The following CADM2 variants were observed in gnomAD, a reference collection of about 807,000 sequenced individuals.
CADM2 encodes the protein immunoglobulin superfamily member 4D.
CADM2 carries 12 observed loss-of-function variants against 49.8 expected under a neutral mutation model. That is an observed-to-expected ratio of 0.24 (90% CI 0.15 to 0.39). The LOEUF is 0.39. Ranked by LOEUF, CADM2 falls within the 10% of genes least tolerant of loss-of-function variation. CADM2 has a pLI of 1.00. For missense variants in CADM2, 378 were observed against 492.3 expected (o/e 0.77, Z 2.20); for synonymous variants, 214 against 175.4 (o/e 1.22, Z -1.74).
intron 1 of CADM2, among the ~76,000 whole-genome samples, chr3:85,292,870 A>G (rs1272925395): frequency 1.3e-5 from 2 of 152,156 alleles, no homozygotes; most frequent in African/African-American, 4.8e-5. Context: ...TAACATCACA[A>G]TTAAAAGAAC....
chr3:85,020,880 T>G (rs2107290719), intron 1 of CADM2, among the ~76,000 whole-genome samples: 1 of 151,892 alleles, frequency 6.6e-6, no homozygotes, highest in Non-Finnish European at 1.5e-5. Flanking sequence ...CAGGAAAAAT[T>G]TTACAACTAC....
intron 1 of CADM2, among the ~76,000 whole-genome samples, chr3:85,091,104 T>C (rs1308706573): frequency 6.6e-6 from 1 of 152,190 alleles, no homozygotes; most frequent in East Asian, 1.9e-4. Context: ...TGGCTATTCT[T>C]ACACATATTA....
chr3:84,960,014 A>C, intron 1 of CADM2: 2 of 383,006 alleles, frequency 5.2e-6, no homozygotes, highest in Non-Finnish European at 4.7e-6. Context: ...CCCTCCCGAC[A>C]ACCCCCACCA....
chr3:85,111,096 A>G (rs2038440747), intron 1 of CADM2, among the ~76,000 whole-genome samples: 1 of 151,904 alleles, frequency 6.6e-6, no homozygotes, highest in Non-Finnish European at 1.5e-5. Context: ...TATAAAATCA[A>G]TTATAATTCT....
intron 8 of CADM2, among the ~76,000 whole-genome samples, chr3:85,983,804 TATC>T (rs1727758212): frequency 6.6e-6 from 1 of 151,508 alleles, no homozygotes; most frequent in African/African-American, 2.4e-5. Flanking sequence ...CCTATCTATC[TATC>T]TATCTATCTA....
intron 1 of CADM2, among the ~76,000 whole-genome samples, chr3:85,251,236 T>C (rs1197885947): frequency 6.6e-6 from 1 of 151,854 alleles, no homozygotes; most frequent in Admixed American, 6.6e-5. Flanking sequence ...AAATTTTCAT[T>C]TGTTAAGCAT....
chr3:84,987,350 T>C (rs1441436835), intron 1 of CADM2, among the ~76,000 whole-genome samples: 2 of 152,090 alleles, frequency 1.3e-5, no homozygotes, highest in Non-Finnish European at 2.9e-5. Context: ...AGTCTTTGTT[T>C]TGTTGTGCAA....
At chr3:85,598,165 T>A (rs1361606579) in intron 1 of CADM2, among the ~76,000 whole-genome samples, 1 of 151,852 alleles carries the variant, frequency 6.6e-6, no homozygotes, top group African/African-American at 2.4e-5. Context: ...AACTAAAAAA[T>A]AAAATAAAAA....
chr3:85,713,418 G>A (rs2067181081), intron 1 of CADM2, among the ~76,000 whole-genome samples: 2 of 152,056 alleles, frequency 1.3e-5, no homozygotes, highest in African/African-American at 4.8e-5. Context: ...TAAAGTGCTG[G>A]GAATTACAGG....
At chr3:85,691,896 G>A (rs1423794453) in intron 1 of CADM2, among the ~76,000 whole-genome samples, 2 of 152,032 alleles carry the variant, frequency 1.3e-5, no homozygotes, top group Non-Finnish European at 2.9e-5. Context: ...AACACCGCAT[G>A]TTCTCACTCA....
At chr3:85,572,760 A>G (rs1434197574) in intron 1 of CADM2, among the ~76,000 whole-genome samples, 1 of 152,152 alleles carries the variant, frequency 6.6e-6, no homozygotes, top group Middle Eastern at 3.2e-3. Context: ...GCTTCAGTAG[A>G]TAGATTAACA....
chr3:85,436,088 G>A (rs1350296122), intron 1 of CADM2, among the ~76,000 whole-genome samples: 2 of 151,944 alleles, frequency 1.3e-5, no homozygotes, highest in African/African-American at 4.8e-5. Flanking sequence ...TAGTTGTGAA[G>A]CCTTGCCCAT....
At chr3:85,291,661 AC>A (rs1306871717) in intron 1 of CADM2, among the ~76,000 whole-genome samples, 1 of 146,020 alleles carries the variant, frequency 6.8e-6, no homozygotes, top group Non-Finnish European at 1.5e-5. Flanking sequence ...AGAATTTTCA[AC>A]CCAGAATTTC....
At chr3:85,355,047 T>C (rs1458191248) in intron 1 of CADM2, among the ~76,000 whole-genome samples, 1 of 152,036 alleles carries the variant, frequency 6.6e-6, no homozygotes, top group African/African-American at 2.4e-5. Context: ...AGCGTGTCGA[T>C]GCTCTGACTT....
At chr3:84,994,544 TA>T (rs1486398416) in intron 1 of CADM2, among the ~76,000 whole-genome samples, 6 of 152,154 alleles carry the variant, frequency 3.9e-5, no homozygotes, top group African/African-American at 1.4e-4. Context: ...ACACAAAATT[TA>T]GAGTGTTTCT....
intron 1 of CADM2, among the ~76,000 whole-genome samples, chr3:85,179,501 T>A (rs1342797079): frequency 6.6e-6 from 1 of 152,016 alleles, no homozygotes; most frequent in African/African-American, 2.4e-5. Flanking sequence ...AAATCCTTTT[T>A]TTTAATATGA....
At chr3:85,179,798 G>A (rs2040879974) in intron 1 of CADM2, among the ~76,000 whole-genome samples, 1 of 152,012 alleles carries the variant, frequency 6.6e-6, no homozygotes, top group Admixed American at 6.6e-5. Flanking sequence ...GAATAAAAAT[G>A]CGAAGCCAAC....
intron 1 of CADM2, among the ~76,000 whole-genome samples, chr3:85,112,572 T>C (rs1300021386): frequency 3.3e-5 from 5 of 151,884 alleles, no homozygotes; most frequent in Non-Finnish European, 7.4e-5. Flanking sequence ...TCTTACATCC[T>C]TGCAAACATT....
intron 1 of CADM2, among the ~76,000 whole-genome samples, chr3:84,993,222 A>G (rs998738452): frequency 6.6e-6 from 1 of 152,156 alleles, no homozygotes. Context: ...AATTCCTAAA[A>G]CGAAAAGAAG....
Sources: gnomAD v4.1 joint callset for allele counts (sites outside exome capture counted in the v4.1 genomes callset) on GRCh38, gnomAD v4.1.1 for gene constraint, MANE v1.5 for transcripts, NCBI Gene and HGNC (gene_info 2026-07-23, HGNC 2026-07-21) for gene names.